TRABD2B: variants seen among roughly 807,000 people sequenced by gnomAD.
The protein encoded by TRABD2B is metalloprotease TIKI2.
In TRABD2B, 14 loss-of-function variants were observed where a neutral mutation model predicts 40.1. That is an observed-to-expected ratio of 0.35 (90% confidence interval 0.23 to 0.55). The LOEUF (loss-of-function observed/expected upper bound fraction) is 0.55. Among genes scored for constraint, TRABD2B ranks in the 20% least tolerant of loss-of-function variants. TRABD2B has a pLI of 0.90. For missense variants in TRABD2B, 541 were observed against 648.6 expected, an observed-to-expected ratio of 0.83 and a Z score of 1.80; for synonymous variants, 263 against 277.0, an observed-to-expected ratio of 0.95 and a Z score of 0.50.
At chr1:47,767,344 A>C (rs1644318565) in intron 6 of TRABD2B, among the ~76,000 whole-genome samples, 1 of 152,198 alleles carries the variant, frequency 6.6e-6, no homozygotes, top group Non-Finnish European at 1.5e-5. Flanking sequence ...GAAGGCCATG[A>C]GGGCCTCCCG....
chr1:47,804,923 C>T (rs891700665), intron 2 of TRABD2B, among the ~76,000 whole-genome samples: 7 of 152,190 alleles, frequency 4.6e-5, no homozygotes, highest in African/African-American at 1.2e-4. Context: ...GGGAGGCAGG[C>T]GGGCGCCTGA....
chr1:47,983,784 GA>G (rs1439013027), intron 2 of TRABD2B, among the ~76,000 whole-genome samples: 4 of 150,502 alleles, frequency 2.7e-5, no homozygotes, highest in Non-Finnish European at 5.9e-5. Flanking sequence ...GAGGAGCCAG[GA>G]ACAGACTAAC....
At chr1:47,887,843 C>T (rs1407841234) in intron 2 of TRABD2B, among the ~76,000 whole-genome samples, 2 of 152,144 alleles carry the variant, frequency 1.3e-5, no homozygotes, top group East Asian at 1.9e-4. Flanking sequence ...GGGTGCTCCC[C>T]GCCACCCCTG....
intron 2 of TRABD2B, among the ~76,000 whole-genome samples, chr1:47,915,980 T>G (rs1270293404): frequency 3.3e-5 from 5 of 152,186 alleles, no homozygotes; most frequent in Admixed American, 1.3e-4. Flanking sequence ...GTGTTTGTTT[T>G]GGGGAGGAGG....
At chr1:47,830,100 C>T (rs538596647) in intron 2 of TRABD2B, among the ~76,000 whole-genome samples, 2 of 152,282 alleles carry the variant, frequency 1.3e-5, no homozygotes, top group South Asian at 4.1e-4. Context: ...CAGAAGTGCT[C>T]CTGTGCTCTT....
At chr1:47,852,088 A>G (rs990706975) in intron 2 of TRABD2B, among the ~76,000 whole-genome samples, 2 of 152,156 alleles carry the variant, frequency 1.3e-5, no homozygotes, top group Non-Finnish European at 2.9e-5. Context: ...GGAAAACAGA[A>G]AGCTAGAAAC....
intron 2 of TRABD2B, among the ~76,000 whole-genome samples, chr1:47,985,150 G>A (rs913064334): frequency 2.0e-5 from 3 of 152,210 alleles, no homozygotes; most frequent in African/African-American, 4.8e-5. Context: ...CTACCCCAAG[G>A]TTACTTACAC....
In TRABD2B at chr1:47,994,609, G is replaced by A. The variant is rs1306612846; in HGVS notation, c.103-12C>T. On this transcript the variant is annotated splice_polypyrimidine_tract_variant and intron_variant, in intron 1 of 6. Transcript: ENST00000606738. The surrounding 1 kb of genome is among the most constrained non-coding windows in gnomAD (Gnocchi z 6.7). ...TTCAAGTCCCTCTGCTGCAGGAGTA[G>A]AGAAGAGGCAAGGCAGTGAGGCCGA... The A allele has an allele frequency of 6.5e-7, 1 of 1,530,534 alleles. No homozygotes were observed. The highest frequency in any genetic ancestry group is 2.4e-5 in the East Asian group (1 of 40,850). 94.8% of individuals were successfully genotyped at this position (1,530,534 alleles called of 1,614,324 possible).
At chr1:47,840,912 T>C (rs1645387904) in intron 2 of TRABD2B, among the ~76,000 whole-genome samples, 1 of 152,208 alleles carries the variant, frequency 6.6e-6, no homozygotes, top group Non-Finnish European at 1.5e-5. Flanking sequence ...AAAGCCTTTT[T>C]GACCTTCTGA....
chr1:47,875,103 A>C (rs1644204909), intron 2 of TRABD2B, among the ~76,000 whole-genome samples: 1 of 152,000 alleles, frequency 6.6e-6, no homozygotes, highest in African/African-American at 2.4e-5. Flanking sequence ...TGTAAGGCTC[A>C]TGGGCTCAGA....
chr1:47,811,022 A>G (rs1245722584), intron 2 of TRABD2B, among the ~76,000 whole-genome samples: 1 of 152,134 alleles, frequency 6.6e-6, no homozygotes, highest in African/African-American at 2.4e-5. Flanking sequence ...TCTGGAGAGG[A>G]AAGTGGAGAA....
intron 2 of TRABD2B, among the ~76,000 whole-genome samples, chr1:47,899,079 C>G (rs1189530309): frequency 1.3e-5 from 2 of 152,216 alleles, no homozygotes; most frequent in African/African-American, 4.8e-5. Flanking sequence ...GATGTGAGAC[C>G]CTGGCCTGGG....
chr1:47,961,521 A>T (rs1433923153), intron 2 of TRABD2B, among the ~76,000 whole-genome samples: 7 of 152,174 alleles, frequency 4.6e-5, no homozygotes, highest in African/African-American at 1.4e-4. Flanking sequence ...TACAAGAAAA[A>T]ATCAAACAAC....
chr1:47,876,650 A>C (rs1469515032), intron 2 of TRABD2B, among the ~76,000 whole-genome samples: 1 of 152,186 alleles, frequency 6.6e-6, no homozygotes, highest in Non-Finnish European at 1.5e-5. Context: ...TACCTGCAAC[A>C]TGCCAGAAAC....
intron 2 of TRABD2B, among the ~76,000 whole-genome samples, chr1:47,912,900 C>G (rs999385308): frequency 6.6e-6 from 1 of 152,190 alleles, no homozygotes; most frequent in Non-Finnish European, 1.5e-5. Context: ...AAGAAAGGAC[C>G]TGTGGTGGCC....
At chr1:47,812,144 T>C (rs559057294) in intron 2 of TRABD2B, among the ~76,000 whole-genome samples, 7 of 152,220 alleles carry the variant, frequency 4.6e-5, no homozygotes, top group Non-Finnish European at 7.3e-5. Context: ...CTTCAGTAAC[T>C]ACCTTTGATT....
Position 47,843,608 on chromosome 1 carries a change from G to A in TRABD2B, c.667-41989C>T, listed in dbSNP as rs537938973. Among the ~76,000 whole-genome samples, 280 of 152,318 alleles carry A rather than the reference G, an allele frequency of 1.8e-3. 1 individual carries two copies. The highest frequency in any genetic ancestry group is 6.4e-3 in the African/African-American group (268 of 41,570). On this transcript the variant is annotated intron_variant, in intron 2 of 6. Transcript: ENST00000606738. ...TTGGGAGATGACTTTTTAAAGGAAG[G>A]AAGACAGAAGAGAGGTTTATGGGTA...
At chr1:47,768,460 A>G (rs1274341003) in intron 6 of TRABD2B, among the ~76,000 whole-genome samples, 1 of 151,842 alleles carries the variant, frequency 6.6e-6, no homozygotes, top group Non-Finnish European at 1.5e-5. Flanking sequence ...CTCAACACAT[A>G]CCACCCTCTC....
At chr1:47,961,053 T>C (rs1290325931) in intron 2 of TRABD2B, among the ~76,000 whole-genome samples, 1 of 152,058 alleles carries the variant, frequency 6.6e-6, no homozygotes, top group African/African-American at 2.4e-5. Context: ...TCAGAAATAA[T>C]GCCGCATATC....
Sources: gnomAD v4.1 joint callset for allele counts (sites outside exome capture counted in the v4.1 genomes callset) on GRCh38, gnomAD v4.1.1 for gene constraint, Gnocchi (gnomAD v3.1) non-coding constraint, MANE v1.5 for transcripts, NCBI Gene and HGNC (gene_info 2026-07-23, HGNC 2026-07-21) for gene names.